The following SYNE1 variants were observed in gnomAD, a reference collection of about 807,000 sequenced individuals.
The protein encoded by SYNE1 is spectrin repeat containing nuclear envelope protein 1.
Under a neutral mutation model 1,111.0 loss-of-function variants are expected in SYNE1, and 616 were observed. The ratio of observed to expected loss-of-function variants is 0.55; its 90% CI spans 0.52 to 0.59. The LOEUF (loss-of-function observed/expected upper bound fraction) is 0.59. SYNE1 is among the 20% of genes least tolerant of loss of function. SYNE1 has a pLI of 0.00. For missense variants in SYNE1, 10,006 were observed against 10,417.0 expected, an observed-to-expected ratio of 0.96 and a Z score of 1.72; for synonymous variants, 3,855 against 3,825.8, an observed-to-expected ratio of 1.01 and a Z score of -0.28.
chr6:152,247,727 TTATATA>T (rs1183787546), intron 105 of SYNE1, among the ~76,000 whole-genome samples: 6 of 117,784 alleles, frequency 5.1e-5, no homozygotes, highest in Non-Finnish European at 8.3e-5. Flanking sequence ...ATATTTTTTA[TTATATA>T]TATATATATA....
chr6:152,480,611 T>C (rs1261916691), intron 14 of SYNE1: 2 of 337,272 alleles, frequency 5.9e-6, no homozygotes, highest in Non-Finnish European at 1.2e-5. Context: ...GAGAATTGAT[T>C]TTAAAATTGA....
intron 5 of SYNE1, among the ~76,000 whole-genome samples, chr6:152,522,764 G>A (rs1168954553): frequency 1.3e-5 from 2 of 151,994 alleles, no homozygotes; most frequent in Non-Finnish European, 2.9e-5. Flanking sequence ...GGGGTAAGGT[G>A]GTATCTCATT....
chr6:152,334,990 C>T (rs747642900), intron 76 of SYNE1, among the ~76,000 whole-genome samples: 14 of 152,096 alleles, frequency 9.2e-5, no homozygotes, highest in Admixed American at 3.9e-4. Context: ...GGAGTACATT[C>T]GCAAAGTGGA....
chr6:152,308,532 G>C lies in SYNE1; in HGVS notation c.17303C>G (p.Thr5768Ser). Residue 5768 changes from threonine (T) to serine (S), a missense_variant, in exon 91 of 146, where the codon ACC becomes AGC. Physicochemically the swap from Thr to Ser is moderately conservative, Grantham distance 58. Around this residue, in one of 7 missense-constraint regions of SYNE1, gnomAD observed 4,955 missense variants for 5,017.2 expected, o/e 0.99. Transcript: ENST00000367255. ...AGCCTGCAGCTCCTGTATGTTACTG[G>C]TGGCAACAGGTTTATCCTCAATCTC... ...HREIEDKPVA[T>S]SNIQELQAQI... 6.2e-7 allele frequency: 1 copy of C among 1,613,724 alleles called. No individual in the cohort carries two copies. Among genetic ancestry groups the C allele is most frequent in the Non-Finnish European group, 8.5e-7 (1 of 1,179,966 alleles).
intron 104 of SYNE1, among the ~76,000 whole-genome samples, chr6:152,252,806 A>G (rs1328618255): frequency 6.6e-6 from 1 of 152,234 alleles, no homozygotes; most frequent in Non-Finnish European, 1.5e-5. Context: ...ACTTGTTGGC[A>G]GAAGAAAAAT....
chr6:152,270,911 C>T (rs2093149869), intron 98 of SYNE1, among the ~76,000 whole-genome samples: 1 of 152,142 alleles, frequency 6.6e-6, no homozygotes, highest in South Asian at 2.1e-4. Flanking sequence ...GAACAGTTGG[C>T]ACAAAGACCC....
chr6:152,363,185 C>T (rs771549777), intron 63 of SYNE1, among the ~76,000 whole-genome samples: 4 of 148,530 alleles, frequency 2.7e-5, no homozygotes, highest in Non-Finnish European at 3.0e-5. Context: ...CCGGCCTACA[C>T]ATGCTATATT....
chr6:152,466,121 C>G (rs2098765395), intron 16 of SYNE1, 43 bp from the exon 17 acceptor site: 1 of 1,297,868 alleles, frequency 7.7e-7, no homozygotes, highest in Non-Finnish European at 1.1e-6. Context: ...ACATTAGGCT[C>G]ATGTAGAATG....
In SYNE1 at chr6:152,302,047, A is replaced by G; in HGVS notation, c.17363T>C (p.Ile5788Thr). The G allele has an allele frequency of 1.2e-6, 2 of 1,614,194 alleles. No homozygotes were observed. The highest frequency in any genetic ancestry group is 1.7e-6 in the Non-Finnish European group (2 of 1,180,040). The change falls in exon 92 of 146, where the codon ATT becomes ACT. Residue 5788 changes from isoleucine to threonine, a missense_variant. Physicochemically the swap from Ile to Thr is moderately conservative, Grantham distance 89 (BLOSUM62 -1). Coordinates refer to ENST00000367255, the MANE Select transcript of SYNE1 (RefSeq NM_182961.4). ...ISRHEELAQKIKGYQEQIASL... is the reference protein window; with the variant it reads ...ISRHEELAQKTKGYQEQIASL... ...AGCGATCTGCTCCTGGTAGCCCTTA[A>G]TTTTCTGCGCCAGCTCCTGAGGAAA...
chr6:152,491,073 A>G (rs2098967697), intron 11 of SYNE1, among the ~76,000 whole-genome samples: 1 of 151,998 alleles, frequency 6.6e-6, no homozygotes, highest in African/African-American at 2.4e-5. Context: ...CACCGTGTGG[A>G]TGCCTGCCCT....
intron 131 of SYNE1, among the ~76,000 whole-genome samples, chr6:152,160,919 T>C (rs2062351455): frequency 6.6e-6 from 1 of 152,052 alleles, no homozygotes; most frequent in African/African-American, 2.4e-5. Flanking sequence ...TGCAAATGCA[T>C]GTTTTTCATT....
chr6:152,192,448 A>C (rs2072774117), intron 127 of SYNE1, among the ~76,000 whole-genome samples: 1 of 151,614 alleles, frequency 6.6e-6, no homozygotes, highest in Non-Finnish European at 1.5e-5. Context: ...AAGTGACAGA[A>C]AACCAAGGAA....
At chr6:152,165,427 C>T (rs909378919) in intron 130 of SYNE1, among the ~76,000 whole-genome samples, 1 of 152,072 alleles carries the variant, frequency 6.6e-6, no homozygotes, top group Non-Finnish European at 1.5e-5. Context: ...CATATAAATG[C>T]TCTTAAAGGA....
chr6:152,268,718 G>A (rs1235156529), intron 99 of SYNE1, among the ~76,000 whole-genome samples: 1 of 152,008 alleles, frequency 6.6e-6, no homozygotes. Flanking sequence ...GCAACAATTA[G>A]CAATCCTATT....
chr6:152,450,879 A>G (rs1485790277), intron 26 of SYNE1, 46 bp from the exon 27 acceptor site: 2 of 1,600,714 alleles, frequency 1.2e-6, no homozygotes. Flanking sequence ...GAAGCCACAC[A>G]GTACTTCTAC....
rs2096880758 is a variant in SYNE1, at chr6:152,358,681, C to T, written c.10444-144G>A. 8 of 796,202 alleles carry T rather than the reference C, an allele frequency of 1.0e-5. 1 individual carries two copies. The South Asian group carries it at 1.2e-4, about 12-fold the overall frequency. The allele number at this position is 796,202 out of a possible 1,614,324, so 49.3% of individuals were successfully genotyped here. ...GTTATTTCCTAGAATCATGAATCTT[C>T]AATATTTATGTAAAAATATAAAAAC... On this transcript the variant is annotated intron_variant, in intron 65 of 145. Transcript: ENST00000367255.
chr6:152,137,645 A>G (rs1271037112), intron 140 of SYNE1, among the ~76,000 whole-genome samples: 1 of 152,144 alleles, frequency 6.6e-6, no homozygotes, highest in African/African-American at 2.4e-5. Context: ...AAATCCCCCA[A>G]TCCAGTTAGG....
chr6:152,168,799 A>G (rs1266128912), intron 130 of SYNE1, among the ~76,000 whole-genome samples: 1 of 152,224 alleles, frequency 6.6e-6, no homozygotes, highest in Non-Finnish European at 1.5e-5. Flanking sequence ...AGGAAAAATA[A>G]GGAAGAAATA....
In SYNE1 at chr6:152,230,558, T is replaced by C. The variant is rs771203839; in HGVS notation, c.21184A>G (p.Lys7062Glu). The C allele has an allele frequency of 6.2e-7, 1 of 1,614,116 alleles. No homozygotes were observed. The highest frequency in any genetic ancestry group is 8.5e-7 in the Non-Finnish European group (1 of 1,179,986). Residue 7062 changes from lysine to glutamate, a missense_variant, in exon 115 of 146, where the codon AAA (lysine) becomes GAA (glutamate). By Grantham distance (56) the Lys-to-Glu change is moderately conservative (BLOSUM62 1). Transcript: ENST00000367255. Reference sequence around the variant, plus strand: ...CCTGGACAAGTTACCTGACAGTCTTTCAGTGCATTTTGAACAGAAGCCTGA... The same window carrying C: ...CCTGGACAAGTTACCTGACAGTCTTCCAGTGCATTTTGAACAGAAGCCTGA... ...GDQASVQNAL[K>E]DCQDLEDLIK...
Sources: gnomAD v4.1 joint callset for allele counts (sites outside exome capture counted in the v4.1 genomes callset) on GRCh38, gnomAD v4.1.1 for gene constraint, gnomAD v4.1.1 regional missense constraint, MANE v1.5 for transcripts, NCBI Gene and HGNC (gene_info 2026-07-23, HGNC 2026-07-21) for gene names.